The following TAF4 variants were observed in gnomAD, a reference collection of about 807,000 sequenced individuals.
TAF4 encodes transcription initiation factor TFIID subunit 4.
TAF4 carries 9 observed loss-of-function variants against 90.3 expected under a neutral mutation model. The ratio of observed to expected loss-of-function variants is 0.10; its 90% confidence interval spans 0.06 to 0.17. The LOEUF (loss-of-function observed/expected upper bound fraction) is 0.17. TAF4 is among the 10% of genes least tolerant of loss of function. The pLI is 1.00. For missense variants in TAF4, 1,351 were observed against 1,370.7 expected (o/e 0.99, Z 0.23); for synonymous variants, 818 against 638.9 (o/e 1.28, Z -4.23).
rs780067554 is a variant in TAF4, at chr20:61,999,085, C to T, written c.2811G>A (p.Ala937=). The change falls in exon 12 of 15, where the codon GCG becomes GCA. Residue 937 remains alanine (A), a synonymous_variant. Coordinates refer to ENST00000252996, the MANE Select transcript of TAF4 (RefSeq NM_003185.4). ...ACTTGAGCTGTGCCCGGACGTCACT[C>T]GCCTGCTCATATCTGTCGTCATCCT... is the stretch of plus-strand genomic sequence containing the variant. ...SYKDDDRYEQ[A]SDVRAQLKFF... The T allele has an allele frequency of 1.2e-6, 2 of 1,614,110 alleles. No individual in the cohort carries two copies. Among genetic ancestry groups the T allele is most frequent in the African/African-American group, 1.3e-5 (1 of 75,036 alleles).
chr20:61,981,511 G>A (rs191929559), intron 14 of TAF4: 2 of 152,108 alleles, frequency 1.3e-5, no homozygotes, highest in Non-Finnish European at 2.9e-5. Flanking sequence ...AGTAATGGAA[G>A]GAAGAGACAA....
At chr20:62,044,644 T>C (rs2055982742) in intron 1 of TAF4, among the ~76,000 whole-genome samples, 1 of 152,192 alleles carries the variant, frequency 6.6e-6, no homozygotes, top group African/African-American at 2.4e-5. Flanking sequence ...AAGTATAGGG[T>C]AGCAGAAGCC....
In TAF4 at chr20:62,010,709, C is replaced by T. The variant is rs1600842288; in HGVS notation, c.1642-544G>A. Among the ~76,000 whole-genome samples the T allele has an allele frequency of 6.6e-6, 1 of 152,140 alleles. No individual in the cohort carries two copies. The highest frequency in any genetic ancestry group is 1.9e-4 in the East Asian group (1 of 5,176). On this transcript the variant is annotated intron_variant, in intron 3 of 14. Coordinates refer to ENST00000252996, the MANE Select transcript of TAF4 (RefSeq NM_003185.4). The surrounding 1 kb of genome is among the most constrained non-coding windows in gnomAD (Gnocchi z 4.5). ...CCCAAAAGTGAGTGTCAACAAGAAG[C>T]CTCCCACAGAGGGGAGTTTTCAGAG...
chr20:62,026,677 C>A (rs1334731747), intron 1 of TAF4, among the ~76,000 whole-genome samples: 1 of 152,200 alleles, frequency 6.6e-6, no homozygotes, highest in South Asian at 2.1e-4. Context: ...AGGCCACACT[C>A]GGCACAGGAA....
chr20:62,004,191 C>T lies in TAF4; in HGVS notation c.2224-313G>A, dbSNP rs6089307. Among the ~76,000 whole-genome samples, 49 of 152,334 alleles carry T rather than the reference C, an allele frequency of 3.2e-4. No individual in the cohort carries two copies. The East Asian group carries it at 9.1e-3, about 28-fold the overall frequency. ...GGGCCTGGAGGGGGCGGGTGGCAAA[C>T]TGATGCCTGCTGACCTCAGCAACCC... On this transcript the variant is annotated intron_variant, in intron 7 of 14. Coordinates refer to ENST00000252996, the MANE Select transcript of TAF4 (RefSeq NM_003185.4).
At chr20:61,996,429 T>C (rs1279652826) in intron 14 of TAF4, among the ~76,000 whole-genome samples, 2 of 151,994 alleles carry the variant, frequency 1.3e-5, no homozygotes, top group Non-Finnish European at 2.9e-5. Flanking sequence ...CAGAAGACAG[T>C]GGAACAAGGT....
Position 61,976,353 on chromosome 20 carries a change from G to A in TAF4, c.3091-18C>T, listed in dbSNP as rs1366670311. 22 of 1,612,074 alleles carry A rather than the reference G, an allele frequency of 1.4e-5. No individual in the cohort carries two copies. The highest frequency in any genetic ancestry group is 1.7e-5 in the Non-Finnish European group (20 of 1,179,846). On this transcript the variant is annotated intron_variant, in intron 14 of 14. Coordinates refer to ENST00000252996, the MANE Select transcript of TAF4 (RefSeq NM_003185.4). ...CCCGACCCCTGGTGATGAAAAAGGA[G>A]AAGACAGTGTGTTAGTGGGGCTCAG...
At chr20:62,039,025 G>A (rs1185722178) in intron 1 of TAF4, among the ~76,000 whole-genome samples, 1 of 152,140 alleles carries the variant, frequency 6.6e-6, no homozygotes, top group Admixed American at 6.5e-5. Context: ...TGCACTCCAG[G>A]AAAAGATGTG....
At chr20:62,020,066 G>C (rs902601823) in intron 1 of TAF4, among the ~76,000 whole-genome samples, 2 of 152,202 alleles carry the variant, frequency 1.3e-5, no homozygotes, top group African/African-American at 4.8e-5. Context: ...GCTCTCCTGT[G>C]TAGCCCAGGT....
At chr20:62,061,008 G>A (rs919294512) in intron 1 of TAF4, among the ~76,000 whole-genome samples, 5 of 152,318 alleles carry the variant, frequency 3.3e-5, no homozygotes, top group East Asian at 1.9e-4. Flanking sequence ...TTCACCAAAA[G>A]GGCAACCCCA....
intron 1 of TAF4, among the ~76,000 whole-genome samples, chr20:62,022,106 C>T (rs569438953): frequency 9.9e-5 from 15 of 152,206 alleles, no homozygotes; most frequent in African/African-American, 3.6e-4. Flanking sequence ...TCCCTCCCTC[C>T]CTTTCCCAGC....
chr20:62,064,312 G>C (rs2056108386), intron 1 of TAF4, 139 bp downstream of exon 1: 4 of 1,040,858 alleles, frequency 3.8e-6, no homozygotes, highest in South Asian at 3.7e-5. Flanking sequence ...CACCTGGGTA[G>C]AGACTGCCCC....
chr20:62,005,000 G>A (rs1568929314), intron 7 of TAF4: 1 of 152,290 alleles, frequency 6.6e-6, no homozygotes, highest in African/African-American at 2.4e-5. Flanking sequence ...GAATTTAGTC[G>A]CTACCATTTT....
At chr20:61,995,428 G>C (rs906134081) in intron 14 of TAF4, among the ~76,000 whole-genome samples, 1 of 152,208 alleles carries the variant, frequency 6.6e-6, no homozygotes, top group African/African-American at 2.4e-5. Context: ...AGACACATCA[G>C]TAGACATCTT....
chr20:62,055,727 G>A (rs1432979585), intron 1 of TAF4, among the ~76,000 whole-genome samples: 1 of 152,170 alleles, frequency 6.6e-6, no homozygotes, highest in African/African-American at 2.4e-5. Flanking sequence ...TCAGCCTCCT[G>A]GGAAAGCCTT....
At chr20:62,033,915 G>A (rs1372576774) in intron 1 of TAF4, among the ~76,000 whole-genome samples, 1 of 151,650 alleles carries the variant, frequency 6.6e-6, no homozygotes, top group Non-Finnish European at 1.5e-5. Context: ...GGTGGCAGGC[G>A]CCTGTAGTCC....
At chr20:62,011,644 G>C (rs969895613) in intron 3 of TAF4, among the ~76,000 whole-genome samples, 4 of 152,222 alleles carry the variant, frequency 2.6e-5, no homozygotes, top group African/African-American at 9.7e-5. Context: ...GACCCAGTGA[G>C]GGTAGAAGAG....
chr20:62,011,861 C>G (rs28382059), intron 3 of TAF4, among the ~76,000 whole-genome samples: 3,968 of 152,334 alleles, frequency 0.026, 103 homozygotes, highest in African/African-American at 0.066. Flanking sequence ...TCCACGGATG[C>G]TCACAGACAC....
chr20:62,001,338 G>A (rs541914386), intron 9 of TAF4, among the ~76,000 whole-genome samples: 2 of 152,198 alleles, frequency 1.3e-5, no homozygotes, highest in African/African-American at 2.4e-5. Flanking sequence ...GCCACGTCTT[G>A]TCCGGCTCCT....
Sources: allele counts gnomAD v4.1 joint callset (sites outside exome capture counted in the v4.1 genomes callset), GRCh38; gene constraint gnomAD v4.1.1; non-coding constraint Gnocchi (gnomAD v3.1); transcripts MANE v1.5; gene names NCBI Gene and HGNC (gene_info 2026-07-23, HGNC 2026-07-21).